The following PTPRG variants were observed in gnomAD, a reference collection of about 807,000 sequenced individuals.
PTPRG encodes the protein receptor-type tyrosine-protein phosphatase gamma.
In PTPRG, 102 loss-of-function variants were observed where a neutral mutation model predicts 165.3. The ratio of observed to expected loss-of-function variants is 0.62; its 90% confidence interval spans 0.53 to 0.73. PTPRG has a LOEUF of 0.73. Among genes scored for constraint, PTPRG ranks in the 30% least tolerant of loss-of-function variants. The pLI is 0.00. For missense variants in PTPRG, 1,866 were observed against 1,861.4 expected (o/e 1.00, Z -0.05); for synonymous variants, 675 against 669.5 (o/e 1.01, Z -0.13).
intron 2 of PTPRG, among the ~76,000 whole-genome samples, chr3:61,816,563 A>T (rs910575227): frequency 6.6e-6 from 1 of 152,088 alleles, no homozygotes; most frequent in Non-Finnish European, 1.5e-5. Context: ...AAAATGTTGG[A>T]ATGTTAACTC....
intron 1 of PTPRG, among the ~76,000 whole-genome samples, chr3:61,640,973 T>C (rs1702043076): frequency 6.6e-6 from 1 of 152,150 alleles, no homozygotes; most frequent in African/African-American, 2.4e-5. Flanking sequence ...TCTGAGGAAC[T>C]TGGTGTGGAG....
intron 2 of PTPRG, among the ~76,000 whole-genome samples, chr3:61,868,477 C>T (rs1238722890): frequency 6.6e-6 from 1 of 152,226 alleles, no homozygotes; most frequent in Non-Finnish European, 1.5e-5. Context: ...TGCGTCCAAC[C>T]TGCCTTGAGC....
At chr3:61,697,847 T>C (rs914823757) in intron 1 of PTPRG, among the ~76,000 whole-genome samples, 13 of 152,334 alleles carry the variant, frequency 8.5e-5, no homozygotes, top group South Asian at 2.1e-4. Flanking sequence ...CCTGTACTTA[T>C]GCCTGTTATT....
At chr3:61,777,526 G>C (rs1393086338) in intron 2 of PTPRG, among the ~76,000 whole-genome samples, 1 of 152,164 alleles carries the variant, frequency 6.6e-6, no homozygotes, top group Non-Finnish European at 1.5e-5. Context: ...AACTGTCACG[G>C]TACTGCAGAG....
intron 2 of PTPRG, among the ~76,000 whole-genome samples, chr3:61,865,627 C>G (rs1036109913): frequency 3.9e-5 from 6 of 152,200 alleles, no homozygotes; most frequent in African/African-American, 1.4e-4. Context: ...GCCTTGGTCT[C>G]TCCACCTGCC....
intron 1 of PTPRG, among the ~76,000 whole-genome samples, chr3:61,579,066 T>C (rs1030864454): frequency 6.6e-6 from 1 of 152,132 alleles, no homozygotes; most frequent in Non-Finnish European, 1.5e-5. Flanking sequence ...CCTGTGAGTG[T>C]CCACATGGGA....
At chr3:61,836,814 G>A (rs1038844272) in intron 2 of PTPRG, among the ~76,000 whole-genome samples, 8 of 151,926 alleles carry the variant, frequency 5.3e-5, no homozygotes, top group South Asian at 2.1e-4. Flanking sequence ...GCACAATCTC[G>A]GCTCACTGCA....
intron 2 of PTPRG, among the ~76,000 whole-genome samples, chr3:61,941,419 T>C (rs2039624561): frequency 6.6e-6 from 1 of 151,972 alleles, no homozygotes; most frequent in Non-Finnish European, 1.5e-5. Flanking sequence ...GGTTAGGAGA[T>C]CGAGACCGTC....
At chr3:62,248,537 T>C (rs934490017) in intron 15 of PTPRG, among the ~76,000 whole-genome samples, 2 of 152,150 alleles carry the variant, frequency 1.3e-5, no homozygotes, top group Non-Finnish European at 2.9e-5. Flanking sequence ...CAGGTACTTA[T>C]AAAAATCTAG....
At chr3:61,776,440 C>T (rs949833132) in intron 2 of PTPRG, among the ~76,000 whole-genome samples, 3 of 152,102 alleles carry the variant, frequency 2.0e-5, no homozygotes, top group Admixed American at 1.3e-4. Context: ...CTTTGAAATC[C>T]CAGGTGTCAC....
At chr3:61,971,219 AT>A (rs950989870) in intron 2 of PTPRG, among the ~76,000 whole-genome samples, 20 of 151,996 alleles carry the variant, frequency 1.3e-4, no homozygotes, top group African/African-American at 4.6e-4. Context: ...TGTCCGGCTA[AT>A]TTTTTTGTAT....
intron 26 of PTPRG, 23 bp from the exon 27 acceptor site, chr3:62,281,540 T>TTTTTTTTTTTTTTTTTTTTTTG: frequency 8.1e-7 from 1 of 1,227,130 alleles, no homozygotes; most frequent in Non-Finnish European, 1.1e-6. Flanking sequence ...TGCAGAGGCT[T>TTTTTTTTTTTTTTTTTTTTTTG]TTTTTTTTTT....
intron 2 of PTPRG, among the ~76,000 whole-genome samples, chr3:61,804,815 A>G (rs1486003703): frequency 6.6e-6 from 1 of 152,198 alleles, no homozygotes; most frequent in African/African-American, 2.4e-5. Flanking sequence ...TCACAGCATC[A>G]GGCATTTGCC....
intron 1 of PTPRG, among the ~76,000 whole-genome samples, chr3:61,632,828 C>T (rs1014414856): frequency 2.0e-5 from 3 of 152,154 alleles, no homozygotes; most frequent in African/African-American, 7.2e-5. Context: ...CTGCCCATGG[C>T]ATCACATTAC....
intron 2 of PTPRG, among the ~76,000 whole-genome samples, chr3:61,797,911 G>GAA (rs3215314): frequency 6.6e-5 from 10 of 151,542 alleles, no homozygotes; most frequent in African/African-American, 1.9e-4. Context: ...AGAAAAAAAT[G>GAA]AAAAAAACAA....
intron 1 of PTPRG, among the ~76,000 whole-genome samples, chr3:61,655,642 G>C (rs532944746): frequency 8.0e-4 from 122 of 152,112 alleles, no homozygotes; most frequent in Admixed American, 1.6e-3. Context: ...TTGTCACCCA[G>C]CTTGGAGTGT....
intron 1 of PTPRG, among the ~76,000 whole-genome samples, chr3:61,618,059 G>T (rs1210106379): frequency 6.6e-6 from 1 of 152,156 alleles, no homozygotes; most frequent in African/African-American, 2.4e-5. Flanking sequence ...GAGAATCTTA[G>T]TATTTAGTGT....
intron 16 of PTPRG, among the ~76,000 whole-genome samples, chr3:62,257,234 T>C (rs575613347): frequency 6.6e-6 from 1 of 152,270 alleles, no homozygotes; most frequent in Admixed American, 6.5e-5. Context: ...TTTAAAAGAG[T>C]AGTATTCCTT....
chr3:61,816,786 T>C (rs2035775803), intron 2 of PTPRG, among the ~76,000 whole-genome samples: 1 of 151,440 alleles, frequency 6.6e-6, no homozygotes, highest in African/African-American at 2.4e-5. Context: ...AAGGAGATAA[T>C]AGAGAAGTGA....
Sources: gnomAD v4.1 joint callset for allele counts (sites outside exome capture counted in the v4.1 genomes callset) on GRCh38, gnomAD v4.1.1 for gene constraint, MANE v1.5 for transcripts, NCBI Gene and HGNC (gene_info 2026-07-23, HGNC 2026-07-21) for gene names.